The following CDC42EP3 variants were observed in gnomAD, a reference collection of about 807,000 sequenced individuals.
CDC42EP3 encodes the protein CDC42 effector protein (Rho GTPase binding) 3.
CDC42EP3 carries 4 observed loss-of-function variants against 15.5 expected under a neutral mutation model. The observed-to-expected ratio is 0.26, with a 90% confidence interval of 0.13 to 0.59. CDC42EP3 has a LOEUF of 0.59. Among genes scored for constraint, CDC42EP3 ranks in the 20% least tolerant of loss-of-function variants. CDC42EP3 has a pLI of 0.89. For missense variants in CDC42EP3, 309 were observed against 311.2 expected (o/e 0.99, Z 0.05); for synonymous variants, 145 against 130.3 (o/e 1.11, Z -0.77).
At chr2:37,656,553 G>C (rs1008643004) in intron 1 of CDC42EP3, among the ~76,000 whole-genome samples, 6 of 152,240 alleles carry the variant, frequency 3.9e-5, no homozygotes, top group African/African-American at 1.4e-4. Flanking sequence ...TAGCTAGCAT[G>C]AGTGCTTTCT....
At chr2:37,653,497 T>C (rs796133129) in intron 1 of CDC42EP3, among the ~76,000 whole-genome samples, 1 of 152,158 alleles carries the variant, frequency 6.6e-6, no homozygotes, top group Non-Finnish European at 1.5e-5. Context: ...TTGCTTCATT[T>C]CTTACCATCT....
At position 37,645,246 on chromosome 2, in the gene CDC42EP3, AC is replaced by A. The variant is rs1665412446; in HGVS notation, c.*576del. The A allele has an allele frequency of 6.6e-6, 1 of 152,664 alleles. No homozygotes were observed. The highest frequency in any genetic ancestry group is 2.4e-5 in the African/African-American group (1 of 41,452). 9.5% of individuals were successfully genotyped at this position (152,664 alleles called of 1,614,324 possible). A position where few individuals can be genotyped will look rare whatever the true frequency, so the allele number is the denominator to read the frequency against. On this transcript the variant is annotated 3_prime_UTR_variant, in exon 2 of 2. Transcript: ENST00000295324. ...CCTGTGTCTTACCAACATGTAGCTGACAGTCAAAATTTTGCAATATAGATAT... is the reference window on the plus strand; with the variant it reads ...CCTGTGTCTTACCAACATGTAGCTGAAGTCAAAATTTTGCAATATAGATAT...
At chr2:37,672,441 C>A (rs1666464763), upstream of CDC42EP3, 1 of 152,182 alleles carries the variant, frequency 6.6e-6, no homozygotes, top group Non-Finnish European at 1.5e-5. Context: ...CCCAGACGCG[C>A]GACGAGGCGC....
In CDC42EP3 at chr2:37,646,225, G is replaced by C; in HGVS notation, c.363C>G (p.Pro121=). The change falls in exon 2 of 2, where the codon CCC becomes CCG. Residue 121 remains proline (P), a synonymous_variant. Coordinates refer to ENST00000295324, the MANE Select transcript of CDC42EP3 (RefSeq NM_006449.5). ...AATTAAATGTCACTGGTGACAATAAGGGCAACATGAGAGCTTGGGATCCTC... is the reference window on the plus strand; with the variant it reads ...AATTAAATGTCACTGGTGACAATAACGGCAACATGAGAGCTTGGGATCCTC... ...TIGGSQALML[P]LLSPVTFNSK... 1 of 1,614,202 alleles carries C rather than the reference G, an allele frequency of 6.2e-7. No individual in the cohort carries two copies. The highest frequency in any genetic ancestry group is 1.1e-5 in the South Asian group (1 of 91,084).
chr2:37,668,597 T>G (rs1475557317), intron 1 of CDC42EP3, among the ~76,000 whole-genome samples: 2 of 152,230 alleles, frequency 1.3e-5, no homozygotes, highest in Admixed American at 6.5e-5. Flanking sequence ...CTGCTGACTT[T>G]CACATAGGAT....
intron 1 of CDC42EP3, among the ~76,000 whole-genome samples, chr2:37,659,045 G>A (rs1665970875): frequency 6.6e-6 from 1 of 152,176 alleles, no homozygotes; most frequent in Non-Finnish European, 1.5e-5. Context: ...AGTTCCCCAT[G>A]GCATCCTAAG....
chr2:37,654,955 G>A (rs1278576230), intron 1 of CDC42EP3, among the ~76,000 whole-genome samples: 1 of 152,222 alleles, frequency 6.6e-6, no homozygotes, highest in Non-Finnish European at 1.5e-5. Flanking sequence ...TAAGTTCAAT[G>A]CTGAATTTCT....
At chr2:37,665,152 A>G (rs1211600287) in intron 1 of CDC42EP3, among the ~76,000 whole-genome samples, 1 of 152,108 alleles carries the variant, frequency 6.6e-6, no homozygotes, top group African/African-American at 2.4e-5. Context: ...GATAACTTAA[A>G]TGTAGTAAGT....
At chr2:37,660,857 G>A (rs1462954069) in intron 1 of CDC42EP3, among the ~76,000 whole-genome samples, 1 of 152,070 alleles carries the variant, frequency 6.6e-6, no homozygotes, top group African/African-American at 2.4e-5. Context: ...GAGGGTGTAG[G>A]GTTAGGGAGT....
At chr2:37,657,584 G>A (rs965641417) in intron 1 of CDC42EP3, among the ~76,000 whole-genome samples, 16 of 152,188 alleles carry the variant, frequency 1.1e-4, no homozygotes, top group Non-Finnish European at 2.9e-5. Context: ...AGCTCTTCTA[G>A]TTTTCTTTCT....
intron 1 of CDC42EP3, among the ~76,000 whole-genome samples, chr2:37,665,225 C>A (rs1337367542): frequency 1.3e-5 from 2 of 152,048 alleles, no homozygotes; most frequent in African/African-American, 4.8e-5. Flanking sequence ...AAAAGAGGAA[C>A]AGAATCACAG....
At chr2:37,669,088 G>T (rs1454604487) in intron 1 of CDC42EP3, among the ~76,000 whole-genome samples, 2 of 152,116 alleles carry the variant, frequency 1.3e-5, no homozygotes, top group Non-Finnish European at 2.9e-5. Context: ...CTGACTGAAA[G>T]CAAGAATCTG....
intron 1 of CDC42EP3, among the ~76,000 whole-genome samples, chr2:37,653,245 C>G (rs999792923): frequency 2.0e-5 from 3 of 152,138 alleles, no homozygotes; most frequent in Admixed American, 6.6e-5. Flanking sequence ...GGGCACAGTG[C>G]TGCTGAGAAC....
Position 37,645,666 on chromosome 2 carries a change from G to T in CDC42EP3, c.*157C>A. On this transcript the variant is annotated 3_prime_UTR_variant, in exon 2 of 2. Coordinates refer to ENST00000295324, the MANE Select transcript of CDC42EP3 (RefSeq NM_006449.5). ...TGTTGTTTTTTTCTAAATTGTTTTT[G>T]CAAACAGGGCATAACAGGTAAAAAA... 1.8e-6 allele frequency: 1 copy of T among 565,646 alleles called. No homozygotes were observed. Among genetic ancestry groups the T allele is most frequent in the Non-Finnish European group, 2.9e-6 (1 of 346,184 alleles). 35.0% of individuals were successfully genotyped at this position (565,646 alleles called of 1,614,324 possible).
At chr2:37,648,212 C>T (rs1007047622) in intron 1 of CDC42EP3, among the ~76,000 whole-genome samples, 1 of 152,200 alleles carries the variant, frequency 6.6e-6, no homozygotes. Flanking sequence ...GAAGCTAAAC[C>T]CTTTCCCACT....
chr2:37,664,426 G>T (rs1043102581), intron 1 of CDC42EP3, among the ~76,000 whole-genome samples: 1 of 152,108 alleles, frequency 6.6e-6, no homozygotes, highest in Admixed American at 6.5e-5. Context: ...TAACTTCCTT[G>T]TTCCTCAGCT....
intron 1 of CDC42EP3, among the ~76,000 whole-genome samples, chr2:37,651,784 T>TTG: frequency 6.6e-6 from 1 of 152,266 alleles, no homozygotes; most frequent in East Asian, 1.9e-4. Flanking sequence ...GGACAGCAAC[T>TTG]TGTGCAAGGG....
intron 1 of CDC42EP3, among the ~76,000 whole-genome samples, chr2:37,669,693 C>T (rs1178865693): frequency 6.6e-6 from 1 of 152,186 alleles, no homozygotes; most frequent in Non-Finnish European, 1.5e-5. Flanking sequence ...AAAACAGAAA[C>T]TGCCATGGAT....
intron 1 of CDC42EP3, among the ~76,000 whole-genome samples, chr2:37,668,674 C>A: frequency 6.6e-6 from 1 of 152,338 alleles, no homozygotes; most frequent in Non-Finnish European, 1.5e-5. Flanking sequence ...TTGCTTACTG[C>A]ACAACTTTGG....
Sources: gnomAD v4.1 joint callset for allele counts (sites outside exome capture counted in the v4.1 genomes callset) on GRCh38, gnomAD v4.1.1 for gene constraint, MANE v1.5 for transcripts, NCBI Gene and HGNC (gene_info 2026-07-23, HGNC 2026-07-21) for gene names.